The following PPP1R14C variants were observed in gnomAD, a reference collection of about 807,000 sequenced individuals.
PPP1R14C encodes protein phosphatase 1 regulatory inhibitor subunit 14C, also known as protein phosphatase 1 regulatory subunit 14C.
Under a neutral mutation model 20.4 loss-of-function variants are expected in PPP1R14C, and 16 were observed. The ratio of observed to expected loss-of-function variants is 0.78; its 90% CI spans 0.53 to 1.19. PPP1R14C has a LOEUF of 1.19. Ranked by LOEUF, PPP1R14C falls within the 50% of genes most tolerant of loss-of-function variation. The pLI is 0.00. For missense variants in PPP1R14C, 211 were observed against 220.1 expected, an observed-to-expected ratio of 0.96 and a Z score of 0.26; for synonymous variants, 91 against 91.0, an observed-to-expected ratio of 1.00 and a Z score of 0.00.
In PPP1R14C at chr6:150,146,636, C is replaced by T. The variant is rs959713206; in HGVS notation, c.306+3138C>T. Among the ~76,000 whole-genome samples the T allele has an allele frequency of 1.2e-4, 19 of 152,316 alleles. No homozygotes were observed. The South Asian group carries it at 1.7e-3, about 13-fold the overall frequency. ...CTCGCACGCCCAGTCTTGGTATGCACCTGCCACTCCTTGACCATGATGCCT... is the reference window on the plus strand; with the variant it reads ...CTCGCACGCCCAGTCTTGGTATGCATCTGCCACTCCTTGACCATGATGCCT... On this transcript the variant is annotated intron_variant, in intron 1 of 3. Transcript: ENST00000361131.
intron 1 of PPP1R14C, among the ~76,000 whole-genome samples, chr6:150,175,651 TGG>T (rs1271731617): frequency 1.3e-5 from 2 of 152,152 alleles, no homozygotes; most frequent in Non-Finnish European, 2.9e-5. Context: ...GTACAGACGG[TGG>T]GTAATTACCA....
chr6:150,183,154 A>G (rs1032748663), intron 1 of PPP1R14C, among the ~76,000 whole-genome samples: 3 of 151,518 alleles, frequency 2.0e-5, no homozygotes, highest in Non-Finnish European at 2.9e-5. Context: ...CATGATTGCT[A>G]TGGCAAATTA....
At position 150,147,677 on chromosome 6, in the gene PPP1R14C, C is replaced by T. The variant is rs145809735; in HGVS notation, c.306+4179C>T. ...GCTAAGCTCAGATGATTGCAATGCC[C>T]GTAGCATCCTAGCCATAAACAGGCT... is the stretch of plus-strand genomic sequence containing the variant. On this transcript the variant is annotated intron_variant, in intron 1 of 3. Coordinates refer to ENST00000361131, the MANE Select transcript of PPP1R14C (RefSeq NM_030949.3). Among the ~76,000 whole-genome samples the T allele has an allele frequency of 1.1e-4, 17 of 152,316 alleles. No homozygotes were observed. The East Asian group carries it at 2.9e-3, about 26-fold the overall frequency.
chr6:150,217,682 T>G (rs1409839804), intron 3 of PPP1R14C, among the ~76,000 whole-genome samples: 1 of 152,184 alleles, frequency 6.6e-6, no homozygotes, highest in East Asian at 1.9e-4. Flanking sequence ...TGACAGCACA[T>G]AGTAGAAATT....
chr6:150,168,481 C>G (rs1424171405), intron 1 of PPP1R14C, among the ~76,000 whole-genome samples: 1 of 152,006 alleles, frequency 6.6e-6, no homozygotes, highest in South Asian at 2.1e-4. Flanking sequence ...TGCAGTGAGC[C>G]GAGATAGCGC....
At position 150,159,190 on chromosome 6, in the gene PPP1R14C, T is replaced by C. The variant is rs527326273; in HGVS notation, c.306+15692T>C. On this transcript the variant is annotated intron_variant, in intron 1 of 3. Coordinates refer to ENST00000361131, the MANE Select transcript of PPP1R14C (RefSeq NM_030949.3). ...ATCAGCCATTCCTTTGTTTCAAGAGTCATGGACCGTATACTGAAGATCTGT... is the reference window on the plus strand; with the variant it reads ...ATCAGCCATTCCTTTGTTTCAAGAGCCATGGACCGTATACTGAAGATCTGT... Among the ~76,000 whole-genome samples the C allele has an allele frequency of 9.6e-4, 146 of 152,284 alleles. 1 individual carries two copies. Among genetic ancestry groups the C allele is most frequent in the African/African-American group, 3.4e-3 (142 of 41,542 alleles).
intron 1 of PPP1R14C, among the ~76,000 whole-genome samples, chr6:150,166,623 C>T (rs1484117589): frequency 6.6e-6 from 1 of 152,230 alleles, no homozygotes; most frequent in Non-Finnish European, 1.5e-5. Flanking sequence ...TTATTGTCCA[C>T]CACTGCCCAT....
chr6:150,238,267 C>T (rs1176742018), intron 3 of PPP1R14C, among the ~76,000 whole-genome samples: 1 of 152,210 alleles, frequency 6.6e-6, no homozygotes, highest in Non-Finnish European at 1.5e-5. Flanking sequence ...TGGCAGTTAG[C>T]TGAAATTGTA....
intron 1 of PPP1R14C, among the ~76,000 whole-genome samples, chr6:150,151,390 C>A (rs9942443): frequency 0.31 from 47,148 of 152,090 alleles, 7,756 homozygotes; most frequent in African/African-American, 0.39. Context: ...TGCTGTCACA[C>A]CCAGGAGTCA....
At chr6:150,172,296 A>G (rs1175306152) in intron 1 of PPP1R14C, among the ~76,000 whole-genome samples, 4 of 152,202 alleles carry the variant, frequency 2.6e-5, no homozygotes, top group African/African-American at 9.7e-5. Flanking sequence ...GATGGGAAAT[A>G]TTAGATTCCT....
intron 3 of PPP1R14C, among the ~76,000 whole-genome samples, chr6:150,238,604 A>C (rs762321256): frequency 2.6e-5 from 4 of 152,256 alleles, no homozygotes; most frequent in South Asian, 2.1e-4. Context: ...GCTGCAGCTC[A>C]TGCCATATGT....
At chr6:150,164,980 C>T (rs531382700) in intron 1 of PPP1R14C, among the ~76,000 whole-genome samples, 1 of 152,322 alleles carries the variant, frequency 6.6e-6, no homozygotes, top group East Asian at 1.9e-4. Context: ...AGTTAGCCAT[C>T]TGCAAACCAG....
rs181802371 is a variant in PPP1R14C, at chr6:150,245,813, A to G, written c.424-2933A>G. Among the ~76,000 whole-genome samples, 5 of 152,338 alleles carry G rather than the reference A, an allele frequency of 3.3e-5. No individual in the cohort carries two copies. In the East Asian group the frequency reaches 9.6e-4, roughly 29 times the overall value. ...TGTAATCAACAAAATCCTTCTGTGC[A>G]AGTGATACTGCCAAGTTTCTGTATG... On this transcript the variant is annotated intron_variant, in intron 3 of 3. Transcript: ENST00000361131.
At chr6:150,206,613 G>A (rs1190388807) in intron 1 of PPP1R14C, among the ~76,000 whole-genome samples, 2 of 152,054 alleles carry the variant, frequency 1.3e-5, no homozygotes, top group Non-Finnish European at 2.9e-5. Flanking sequence ...AGGAGGAAAG[G>A]GAGGCGTTCT....
intron 3 of PPP1R14C, among the ~76,000 whole-genome samples, chr6:150,225,254 T>C (rs1402479098): frequency 6.6e-6 from 1 of 152,226 alleles, no homozygotes; most frequent in Non-Finnish European, 1.5e-5. Context: ...GGGGAATTTT[T>C]CTCCAGTGTT....
At chr6:150,235,755 A>G (rs1319597581) in intron 3 of PPP1R14C, among the ~76,000 whole-genome samples, 1 of 152,050 alleles carries the variant, frequency 6.6e-6, no homozygotes, top group African/African-American at 2.4e-5. Context: ...TCTAATTTAT[A>G]AGACAGCTAG....
intron 1 of PPP1R14C, among the ~76,000 whole-genome samples, chr6:150,200,193 CAT>C (rs1265099116): frequency 6.9e-6 from 1 of 144,068 alleles, no homozygotes; most frequent in African/African-American, 2.7e-5. Context: ...TACACACACA[CAT>C]ACACACACAT....
intron 3 of PPP1R14C, among the ~76,000 whole-genome samples, chr6:150,246,077 C>T (rs1368267307): frequency 6.6e-6 from 1 of 152,060 alleles, no homozygotes; most frequent in Admixed American, 6.5e-5. Flanking sequence ...TTATGTACAT[C>T]ATGGTTAGCT....
chr6:150,196,234 A>G (rs2114892234), intron 1 of PPP1R14C: 1 of 568,384 alleles, frequency 1.8e-6, no homozygotes, highest in East Asian at 1.4e-4. Flanking sequence ...ACTGGGCAAC[A>G]ATAAATCTTC....
Sources: gnomAD v4.1 joint callset for allele counts (sites outside exome capture counted in the v4.1 genomes callset) on GRCh38, gnomAD v4.1.1 for gene constraint, MANE v1.5 for transcripts, NCBI Gene and HGNC (gene_info 2026-07-23, HGNC 2026-07-21) for gene names.